FER: variants seen among roughly 807,000 people sequenced by gnomAD.
The protein encoded by FER is tyrosine-protein kinase Fer.
FER carries 63 observed loss-of-function variants against 111.0 expected under a neutral mutation model. The observed-to-expected ratio is 0.57, with a 90% CI of 0.46 to 0.70. The LOEUF (loss-of-function observed/expected upper bound fraction) is 0.70. Among genes scored for constraint, FER ranks in the 30% least tolerant of loss-of-function variants. FER has a pLI of 0.00. For missense variants in FER, 914 were observed against 954.0 expected, an observed-to-expected ratio of 0.96 and a Z score of 0.55; for synonymous variants, 327 against 313.9, an observed-to-expected ratio of 1.04 and a Z score of -0.44.
chr5:109,010,618 CCCCA>C (rs955565019), intron 13 of FER, among the ~76,000 whole-genome samples: 1 of 152,184 alleles, frequency 6.6e-6, no homozygotes, highest in African/African-American at 2.4e-5. Flanking sequence ...CTATTTCTCA[CCCCA>C]CATCTTCTCT....
At chr5:109,051,462 C>T in intron 16 of FER, 1 of 1,613,164 alleles carries the variant, frequency 6.2e-7, no homozygotes, top group Admixed American at 1.7e-5. Context: ...AATCAAAAGG[C>T]TGTGCGTGGG....
At chr5:109,086,235 T>A (rs1013572961) in intron 16 of FER, among the ~76,000 whole-genome samples, 2 of 151,698 alleles carry the variant, frequency 1.3e-5, no homozygotes, top group African/African-American at 4.8e-5. Context: ...TAAATTTTTT[T>A]ATTTTATCTT....
At chr5:109,112,521 A>T (rs1025854004) in intron 17 of FER, among the ~76,000 whole-genome samples, 2 of 152,154 alleles carry the variant, frequency 1.3e-5, no homozygotes, top group African/African-American at 4.8e-5. Flanking sequence ...ACTGCTTCAA[A>T]GCAGGCTCTG....
intron 3 of FER, among the ~76,000 whole-genome samples, chr5:108,824,466 A>G (rs1033716035): frequency 3.3e-5 from 5 of 152,172 alleles, no homozygotes; most frequent in African/African-American, 1.2e-4. Flanking sequence ...GCCTTCTTCA[A>G]CTTCTTTCAT....
chr5:109,014,139 A>C (rs1766700781), intron 13 of FER, among the ~76,000 whole-genome samples: 1 of 151,130 alleles, frequency 6.6e-6, no homozygotes, highest in South Asian at 2.1e-4. Flanking sequence ...TTGGTGTTTT[A>C]GACATGAAGT....
chr5:108,827,493 ATTATTAATCTATGG>A (rs1224345985), intron 3 of FER, among the ~76,000 whole-genome samples: 1 of 152,126 alleles, frequency 6.6e-6, no homozygotes, highest in Non-Finnish European at 1.5e-5. Context: ...CTCATAAGTT[ATTATTAATCTATGG>A]TTATTTCTCT....
At chr5:108,773,024 C>T (rs1298295162) in intron 2 of FER, among the ~76,000 whole-genome samples, 1 of 152,172 alleles carries the variant, frequency 6.6e-6, no homozygotes, top group Non-Finnish European at 1.5e-5. Context: ...TTGTGTAGAA[C>T]TGTCACTCAG....
chr5:108,911,667 T>C (rs975491390), intron 10 of FER, among the ~76,000 whole-genome samples: 2 of 152,180 alleles, frequency 1.3e-5, no homozygotes, highest in Non-Finnish European at 2.9e-5. Context: ...GGTCTAGTTT[T>C]ATTCTTTTGC....
At position 108,956,055 on chromosome 5, in the gene FER, C is replaced by T. The variant is rs149841397; in HGVS notation, c.1533+1123C>T. 5.0e-3 allele frequency among the ~76,000 whole-genome samples: 753 copies of T among 151,756 alleles called. 3 individuals are homozygous for T. The highest frequency in any genetic ancestry group is 9.2e-3 in the Non-Finnish European group (620 of 67,682). On this transcript the variant is annotated intron_variant, in intron 12 of 19. Transcript: ENST00000281092. ...TATTTCCACTATCATAATGTTCACA[C>T]TATTCGTTAATTTTTCGTAGTATTC...
chr5:108,970,810 T>G (rs1439312209), intron 13 of FER, among the ~76,000 whole-genome samples: 1 of 152,080 alleles, frequency 6.6e-6, no homozygotes, highest in Non-Finnish European at 1.5e-5. Flanking sequence ...TCAGGCAAGA[T>G]CAGTTTGACA....
chr5:109,052,231 C>G lies in FER; in HGVS notation c.1924+5033C>G, dbSNP rs543237744. 194 of 1,606,530 alleles carry G rather than the reference C, an allele frequency of 1.2e-4. 7 individuals carry two copies. The Middle Eastern group carries it at 2.0e-3, about 16-fold the overall frequency. On this transcript the variant is annotated intron_variant, in intron 16 of 19. Coordinates refer to ENST00000281092, the MANE Select transcript of FER (RefSeq NM_005246.4). Reference sequence around the variant, plus strand: ...AAATATGATCTGCAGGACCCAGAAGCGCACATGAGAGATTGGGAAAGACTT... The same window carrying G: ...AAATATGATCTGCAGGACCCAGAAGGGCACATGAGAGATTGGGAAAGACTT...
At chr5:108,869,466 TGTAATTA>T (rs33943295) in intron 6 of FER, among the ~76,000 whole-genome samples, 9,705 of 152,126 alleles carry the variant, frequency 0.064, 349 homozygotes, top group African/African-American at 0.1. Context: ...TCTTTGCAGA[TGTAATTA>T]GTCAAGGATC....
At chr5:108,830,526 GTT>G (rs1467434870) in intron 3 of FER, 1 of 152,116 alleles carries the variant, frequency 6.6e-6, no homozygotes, top group African/African-American at 2.4e-5. Flanking sequence ...AAGGGAGACA[GTT>G]ATATTAATTT....
intron 9 of FER, among the ~76,000 whole-genome samples, chr5:108,883,973 G>C (rs1393110321): frequency 6.6e-6 from 1 of 151,950 alleles, no homozygotes; most frequent in African/African-American, 2.4e-5. Flanking sequence ...GTGCTATTTT[G>C]TCTTGCTGAT....
chr5:109,066,652 A>G (rs1056366740), intron 16 of FER, among the ~76,000 whole-genome samples: 2 of 152,222 alleles, frequency 1.3e-5, no homozygotes, highest in Non-Finnish European at 2.9e-5. Context: ...TCCTGTATTT[A>G]AGTGACTGAA....
intron 5 of FER, among the ~76,000 whole-genome samples, chr5:108,865,115 A>G (rs1486877112): frequency 1.3e-5 from 2 of 152,084 alleles, no homozygotes; most frequent in Non-Finnish European, 2.9e-5. Context: ...ATTCTCTTTG[A>G]AGCAATTGTG....
intron 16 of FER, among the ~76,000 whole-genome samples, chr5:109,068,524 A>C (rs992699963): frequency 1.3e-5 from 2 of 152,164 alleles, no homozygotes; most frequent in Non-Finnish European, 2.9e-5. Context: ...AGAAATGCTC[A>C]GTGGGATGCA....
intron 17 of FER, among the ~76,000 whole-genome samples, chr5:109,137,473 G>A (rs1753021961): frequency 6.6e-6 from 1 of 152,214 alleles, no homozygotes; most frequent in African/African-American, 2.4e-5. Flanking sequence ...CCTTGGTCTG[G>A]ATTTTAGAAA....
chr5:108,766,427 T>G (rs896523376), intron 1 of FER, among the ~76,000 whole-genome samples: 4 of 152,246 alleles, frequency 2.6e-5, no homozygotes, highest in African/African-American at 9.6e-5. Context: ...TGGCTGACTG[T>G]GTTAAGATAG....
Sources: allele counts gnomAD v4.1 joint callset (sites outside exome capture counted in the v4.1 genomes callset), GRCh38; gene constraint gnomAD v4.1.1; transcripts MANE v1.5; gene names NCBI Gene and HGNC (gene_info 2026-07-23, HGNC 2026-07-21).